The following MEAK7 variants were observed in gnomAD, a reference collection of about 807,000 sequenced individuals.
MEAK7 encodes the protein MTOR associated protein MEAK7.
Under a neutral mutation model 40.5 loss-of-function variants are expected in MEAK7, and 68 were observed. The observed-to-expected ratio is 1.68, with a 90% CI of 1.38 to 2.06. The LOEUF (loss-of-function observed/expected upper bound fraction) is 2.06, where lower values mean the gene tolerates loss of function less well. Ranked by LOEUF, MEAK7 falls within the 30% of genes most tolerant of loss-of-function variation. MEAK7 has a pLI of 0.00. For synonymous variants in MEAK7, 338 were observed against 231.9 expected, an observed-to-expected ratio of 1.46 and a Z score of -4.16; for missense variants, 918 against 580.5, an observed-to-expected ratio of 1.58 and a Z score of -5.98.
chr16:84,501,620 G>T (rs1312599267), intron 1 of MEAK7, among the ~76,000 whole-genome samples: 1 of 152,158 alleles, frequency 6.6e-6, no homozygotes, highest in African/African-American at 2.4e-5. Context: ...CTTGGACGCA[G>T]AGCCAGGCTG....
Position 84,497,961 on chromosome 16 carries a change from G to A in MEAK7, c.126C>T (p.Ser42=), listed in dbSNP as rs373283067. The change falls in exon 2 of 8, where the codon TCC becomes TCT. Residue 42 remains serine, a synonymous_variant. Coordinates refer to ENST00000343629, the MANE Select transcript of MEAK7 (RefSeq NM_020947.4). ...SSDKNSPNVS[S]KSFSLKALQN... ...GTAGTGCCTTCAGAGAGAAGGATTT[G>A]GATGAGACATTCGGGCTGTTTTTAT... is the stretch of plus-strand genomic sequence containing the variant. 18 of 1,614,066 alleles carry A rather than the reference G, an allele frequency of 1.1e-5. No homozygotes were observed. The highest frequency in any genetic ancestry group is 9.3e-5 in the African/African-American group (7 of 74,920).
rs537794962 is a variant in MEAK7 at position 84,504,044 on chromosome 16, G to A, written c.-26+557C>T. The A allele has an allele frequency of 6.4e-4, 628 of 985,546 alleles. 2 individuals are homozygous for A. In the Middle Eastern group the frequency reaches 8.9e-3, roughly 14 times the overall value. The allele number at this position is 985,546 out of a possible 1,614,324, so 61.1% of individuals were successfully genotyped here. A position where few individuals can be genotyped will look rare whatever the true frequency, so the allele number is the denominator to read the frequency against. ...TCTCAGAGCCCAGAGGCCCTTGTGC[G>A]AAGGGGCAGCTTGAGCCTGGGCAAG... On this transcript the variant is annotated intron_variant, in intron 1 of 7. Transcript: ENST00000343629.
chr16:84,494,573 C>G (rs1349954512), intron 3 of MEAK7, among the ~76,000 whole-genome samples: 3 of 152,156 alleles, frequency 2.0e-5, no homozygotes, highest in African/African-American at 4.8e-5. Flanking sequence ...ATTTTCGTAC[C>G]TGCCTGCTGA....
At chr16:84,497,786 G>A (rs914009286) in intron 2 of MEAK7, 148 bp downstream of exon 2, 2 of 1,315,240 alleles carry the variant, frequency 1.5e-6, no homozygotes, top group African/African-American at 2.9e-5. Context: ...GCCAAAACTA[G>A]GTCACATCTG....
chr16:84,495,791 T>C lies in MEAK7; in HGVS notation c.276A>G (p.Thr92=). 6.2e-7 allele frequency: 1 copy of C among 1,614,142 alleles called. No individual in the cohort carries two copies. Among genetic ancestry groups the C allele is most frequent in the Admixed American group, 1.7e-5 (1 of 60,018 alleles). Residue 92 remains threonine, a synonymous_variant, in exon 3 of 8, where the codon ACA becomes ACG. Transcript: ENST00000343629. ...PSENVSQEQF[T]ASMSHLLKGN... The stretch of plus-strand genomic sequence containing the variant: ...CTTTCAACAGGTGGGACATGGATGC[T>C]GTGAACTGCTCCTGGGACACGTTCT...
rs566062554 is a variant in MEAK7 at position 84,478,707 on chromosome 16, G to T, written c.*1206C>A. The T allele has an allele frequency of 2.0e-5, 3 of 152,208 alleles. No individual in the cohort carries two copies. Among genetic ancestry groups the T allele is most frequent in the Non-Finnish European group, 2.9e-5 (2 of 68,048 alleles). 9.4% of individuals were successfully genotyped at this position (152,208 alleles called of 1,614,324 possible). A position where few individuals can be genotyped will look rare whatever the true frequency, so the allele number is the denominator to read the frequency against. ...GATCTTCAGCATTTCAGGATCACCG[G>T]AGCTTGTTTAAAGTCAGTCTACACT... On this transcript the variant is annotated 3_prime_UTR_variant, in exon 8 of 8. Transcript: ENST00000343629.
chr16:84,501,505 G>C (rs1050832224), intron 1 of MEAK7, among the ~76,000 whole-genome samples: 2 of 152,168 alleles, frequency 1.3e-5, no homozygotes, highest in South Asian at 2.1e-4. Context: ...CCAGACAGCC[G>C]GGAGAAAGGT....
chr16:84,479,597 T>C lies in MEAK7; in HGVS notation c.*316A>G, dbSNP rs1467841870. On this transcript the variant is annotated 3_prime_UTR_variant, in exon 8 of 8. Transcript: ENST00000343629. The stretch of plus-strand genomic sequence containing the variant: ...CGGGGGTCTGAAAGGTCTCAGCTGC[T>C]TAGGATTTCGTTGGTAAAAAAGAAC... 2.2e-5 allele frequency: 5 copies of C among 225,464 alleles called. No homozygotes were observed. In the Admixed American group the frequency reaches 2.9e-4, roughly 13 times the overall value. The allele number at this position is 225,464 out of a possible 1,614,324, so 14.0% of individuals were successfully genotyped here.
chr16:84,480,110 G>T, intron 7 of MEAK7, 84 bp from the exon 8 acceptor site: 4 of 1,159,788 alleles, frequency 3.4e-6, no homozygotes, highest in African/African-American at 1.6e-5. Context: ...CAGCCTTCTT[G>T]GGTGGAATCA....
intron 6 of MEAK7, among the ~76,000 whole-genome samples, chr16:84,481,374 G>A (rs1204772574): frequency 6.6e-6 from 1 of 152,230 alleles, no homozygotes; most frequent in Non-Finnish European, 1.5e-5. Context: ...ACTGCCCAGA[G>A]TTGACACGCG....
chr16:84,495,648 T>G, intron 3 of MEAK7, 35 bp downstream of exon 3: 1 of 1,607,174 alleles, frequency 6.2e-7, no homozygotes, highest in East Asian at 2.2e-5. Flanking sequence ...CCAAGACTGC[T>G]GAGGAGGCTG....
rs772513081 is a variant in MEAK7 at position 84,497,899 on chromosome 16, C to A, written c.153+35G>T. 26 of 1,613,924 alleles carry A rather than the reference C, an allele frequency of 1.6e-5. No homozygotes were observed. The South Asian group carries it at 2.9e-4, about 18-fold the overall frequency. ...AGCCACAGTTTGCAGACCCCTGCTC[C>A]CAACTAAACATGAACCACGGGTTGT... On this transcript the variant is annotated intron_variant, in intron 2 of 7. Coordinates refer to ENST00000343629, the MANE Select transcript of MEAK7 (RefSeq NM_020947.4).
intron 3 of MEAK7, among the ~76,000 whole-genome samples, chr16:84,492,054 C>G (rs976873203): frequency 1.4e-4 from 22 of 152,002 alleles, no homozygotes; most frequent in Admixed American, 9.2e-4. Context: ...AGATGGCAAT[C>G]AAACTGTGTT....
At chr16:84,490,644 G>C (rs560285386) in intron 3 of MEAK7, among the ~76,000 whole-genome samples, 1 of 137,118 alleles carries the variant, frequency 7.3e-6, no homozygotes, top group African/African-American at 2.8e-5. Context: ...TTAATTAAAA[G>C]CTAATCAAGA....
intron 3 of MEAK7, among the ~76,000 whole-genome samples, chr16:84,492,829 A>G (rs426385): frequency 0.98 from 149,869 of 152,268 alleles, 73,793 homozygotes; most frequent in East Asian, 1. Flanking sequence ...TAATCCACCC[A>G]CCTTGGCCTC....
At chr16:84,484,847 TAC>T (rs1912893181) in intron 5 of MEAK7, among the ~76,000 whole-genome samples, 1 of 152,222 alleles carries the variant, frequency 6.6e-6, no homozygotes, top group South Asian at 2.1e-4. Context: ...TATGGACACG[TAC>T]TGCAACAGAA....
At chr16:84,500,636 C>T (rs776593944) in intron 1 of MEAK7, among the ~76,000 whole-genome samples, 1 of 152,132 alleles carries the variant, frequency 6.6e-6, no homozygotes, top group Non-Finnish European at 1.5e-5. Flanking sequence ...TGCTCACCCA[C>T]GCCCCATCTG....
intron 2 of MEAK7, chr16:84,497,551 C>G: frequency 7.7e-7 from 1 of 1,293,784 alleles, no homozygotes; most frequent in Non-Finnish European, 1.0e-6. Flanking sequence ...TCAAGAGACA[C>G]ACGAGGCAGG....
chr16:84,497,844 C>T (rs1479984457), intron 2 of MEAK7, 90 bp downstream of exon 2: 5 of 1,573,112 alleles, frequency 3.2e-6, no homozygotes, highest in Non-Finnish European at 4.4e-6. Context: ...CATCCCATTA[C>T]AAAAACACGA....
Sources: gnomAD v4.1 joint callset for allele counts (sites outside exome capture counted in the v4.1 genomes callset) on GRCh38, gnomAD v4.1.1 for gene constraint, MANE v1.5 for transcripts, NCBI Gene and HGNC (gene_info 2026-07-23, HGNC 2026-07-21) for gene names.